The following CD46 variants were observed in gnomAD, a reference collection of about 807,000 sequenced individuals.
The protein encoded by CD46 is CD46 molecule, also known as membrane cofactor protein.
A neutral mutation model predicts 53.3 loss-of-function variants in CD46; 30 were observed. The ratio of observed to expected loss-of-function variants is 0.56; its 90% CI spans 0.42 to 0.76. The LOEUF is 0.76. Ranked by LOEUF, CD46 falls within the 30% of genes least tolerant of loss-of-function variation. CD46 has a pLI of 0.00. For synonymous variants in CD46, 142 were observed against 152.0 expected (o/e 0.93, Z 0.48); for missense variants, 409 against 463.0 (o/e 0.88, Z 1.07).
intron 1 of CD46, among the ~76,000 whole-genome samples, chr1:207,754,737 T>G (rs923508743): frequency 2.6e-5 from 4 of 152,138 alleles, no homozygotes; most frequent in African/African-American, 9.7e-5. Flanking sequence ...CTCCCCTATT[T>G]GTTGACTCTG....
chr1:207,774,161 C>A (rs1657832488), intron 8 of CD46, among the ~76,000 whole-genome samples: 2 of 151,742 alleles, frequency 1.3e-5, no homozygotes, highest in South Asian at 4.2e-4. Context: ...CTCTTTTGAT[C>A]TTTGTTGGTT....
At chr1:207,774,658 A>G (rs1198441784) in intron 8 of CD46, among the ~76,000 whole-genome samples, 1 of 152,128 alleles carries the variant, frequency 6.6e-6, no homozygotes, top group African/African-American at 2.4e-5. Context: ...GTTTGGCTGG[A>G]TATGAGATTC....
chr1:207,754,279 C>A (rs41316827), intron 1 of CD46, among the ~76,000 whole-genome samples: 4,759 of 152,202 alleles, frequency 0.031, 238 homozygotes, highest in East Asian at 0.24. Context: ...TCCCTCAGCC[C>A]AGGAACATTC....
chr1:207,782,778 G>A (rs1303343730), intron 8 of CD46, among the ~76,000 whole-genome samples: 1 of 148,496 alleles, frequency 6.7e-6, no homozygotes, highest in Non-Finnish European at 1.5e-5. Context: ...CTCCCAAGTA[G>A]CTGGGATTAC....
At position 207,767,788 on chromosome 1, in the gene CD46, C is replaced by T; in HGVS notation, c.866C>T (p.Ser289Phe). The change falls in exon 7 of 13, where the codon TCT becomes TTT. Residue 289 changes from serine (S) to phenylalanine (F), a missense_variant. Transcript: ENST00000367042. ...TTATTTTGTTTTCCAGTGTCGACTTCTTCCACTACAAAATCTCCAGCGTCC... is the reference window on the plus strand; with the variant it reads ...TTATTTTGTTTTCCAGTGTCGACTTTTTCCACTACAAAATCTCCAGCGTCC... ...PVPKCLKVST[S>F]STTKSPASSA... is the part of the protein sequence containing the mutation. The T allele has an allele frequency of 3.1e-6, 5 of 1,613,112 alleles. No homozygotes were observed. The highest frequency in any genetic ancestry group is 4.2e-6 in the Non-Finnish European group (5 of 1,179,114).
intron 5 of CD46, among the ~76,000 whole-genome samples, chr1:207,762,189 A>C (rs1656291405): frequency 6.6e-6 from 1 of 152,264 alleles, no homozygotes; most frequent in South Asian, 2.1e-4. Context: ...AGTAGTCAGC[A>C]GGGAGATTAG....
rs66758503 is a variant in CD46 at position 207,779,913 on chromosome 1, CTT to C, written c.944-3361_944-3360del. On this transcript the variant is annotated intron_variant, in intron 8 of 12. Coordinates refer to ENST00000367042, the MANE Select transcript of CD46 (RefSeq NM_172351.3). Reference sequence around the variant, plus strand: ...TTCTATTCTTGTAGCAAAAGCAAGTCTTTTTTTTTTTTTTTTTTTACTGTAGT... The same window carrying C: ...TTCTATTCTTGTAGCAAAAGCAAGTCTTTTTTTTTTTTTTTTTACTGTAGT... Among the ~76,000 whole-genome samples, 85 of 62,382 alleles carry C rather than the reference CTT, an allele frequency of 1.4e-3. 4 individuals are homozygous for C. Among genetic ancestry groups the C allele is most frequent in the Non-Finnish European group, 1.6e-3 (55 of 33,492 alleles). 40.9% of individuals were successfully genotyped at this position (62,382 alleles called of 152,430 possible). A position where few individuals can be genotyped will look rare whatever the true frequency, so the allele number is the denominator to read the frequency against.
chr1:207,757,416 C>G (rs1309017176), intron 2 of CD46, 124 bp from the exon 3 acceptor site: 5 of 791,546 alleles, frequency 6.3e-6, no homozygotes, highest in African/African-American at 5.2e-5. Context: ...TAAGTTTGCC[C>G]TTATAATAAG....
At chr1:207,767,517 A>G (rs1656995962) in intron 6 of CD46, 2 of 1,082,140 alleles carry the variant, frequency 1.8e-6, no homozygotes, top group Admixed American at 3.4e-5. Flanking sequence ...ATTTTTATCT[A>G]AGTAAGTCAA....
In CD46 at chr1:207,757,060, T is replaced by C; in HGVS notation, c.144T>C (p.Gly48=). The change falls in exon 2 of 13, where the codon GGT becomes GGC. Residue 48 remains glycine, a synonymous_variant. Coordinates refer to ENST00000367042, the MANE Select transcript of CD46 (RefSeq NM_172351.3). ...CATTTGAAGCTATGGAGCTCATTGG[T>C]AAACCAAAACCCTACTATGAGATTG... The part of the protein sequence containing the change: ...PPTFEAMELI[G]KPKPYYEIGE... 6.2e-7 allele frequency: 1 copy of C among 1,614,122 alleles called. No individual in the cohort carries two copies. Among genetic ancestry groups the C allele is most frequent in the Non-Finnish European group, 8.5e-7 (1 of 1,179,996 alleles).
intron 5 of CD46, 60 bp from the exon 6 acceptor site, chr1:207,766,953 G>A (rs1258354805): frequency 7.4e-7 from 1 of 1,349,744 alleles, no homozygotes; most frequent in African/African-American, 1.4e-5. Flanking sequence ...TTACTACTTT[G>A]TACTACTTTT....
chr1:207,790,160 T>C, intron 11 of CD46, 93 bp from the exon 12 acceptor site: 1 of 778,568 alleles, frequency 1.3e-6, no homozygotes, highest in Non-Finnish European at 2.4e-6. Context: ...TGCTACTCTC[T>C]TACACTGGAT....
At chr1:207,782,844 G>A (rs557509902) in intron 8 of CD46, among the ~76,000 whole-genome samples, 26 of 149,268 alleles carry the variant, frequency 1.7e-4, no homozygotes, top group African/African-American at 5.6e-4. Flanking sequence ...TAGTAGAGAC[G>A]GGGTGTCACC....
At chr1:207,767,404 C>T in intron 6 of CD46, 2 of 704,112 alleles carry the variant, frequency 2.8e-6, no homozygotes, top group South Asian at 3.5e-5. Flanking sequence ...TTGTGCTTTT[C>T]CAGGGTTCTT....
Position 207,790,356 on chromosome 1 carries a change from T to A in CD46, c.*41+11T>A. The A allele has an allele frequency of 7.4e-7, 1 of 1,355,648 alleles. No homozygotes were observed. The highest frequency in any genetic ancestry group is 1.1e-6 in the Non-Finnish European group (1 of 946,482). 84.0% of individuals were successfully genotyped at this position (1,355,648 alleles called of 1,614,324 possible). A position where few individuals can be genotyped will look rare whatever the true frequency, so the allele number is the denominator to read the frequency against. On this transcript the variant is annotated intron_variant, in intron 12 of 12. Coordinates refer to ENST00000367042, the MANE Select transcript of CD46 (RefSeq NM_172351.3). ...TTTTATCATTAAAAGGTATCTGTTTTCTGTTGTTTATTTTCAGATGTCCTT... is the reference window on the plus strand; with the variant it reads ...TTTTATCATTAAAAGGTATCTGTTTACTGTTGTTTATTTTCAGATGTCCTT...
chr1:207,752,196 C>T lies in CD46; in HGVS notation c.-17C>T. On this transcript the variant is annotated 5_prime_UTR_variant, in exon 1 of 13. Coordinates refer to ENST00000367042, the MANE Select transcript of CD46 (RefSeq NM_172351.3). This position sits in a 1 kb window ranked among gnomAD's most constrained non-coding sequence, Gnocchi z 4.1. ...CTGCTTTCCTCCGGAGAAATAACAG[C>T]GTCTTCCGCGCCGCGCATGGAGCCT... 1 of 1,610,760 alleles carries T rather than the reference C, an allele frequency of 6.2e-7. No individual in the cohort carries two copies. The highest frequency in any genetic ancestry group is 1.7e-5 in the Admixed American group (1 of 60,034).
rs933239255 is a variant in CD46, at chr1:207,787,476, A to AT, written c.1082+1803dup. ...GATTCCAAAATTAATTTGTCCAGTG[A>AT]TTTTTTTTTAAAGCCCATATTTTAC... On this transcript the variant is annotated intron_variant, in intron 11 of 12. Transcript: ENST00000367042. 2.6e-4 allele frequency among the ~76,000 whole-genome samples: 40 copies of AT among 151,758 alleles called. No homozygotes were observed. The East Asian group carries it at 3.7e-3, about 14-fold the overall frequency.
At chr1:207,787,040 C>T (rs4844618) in intron 11 of CD46, among the ~76,000 whole-genome samples, 3 of 152,108 alleles carry the variant, frequency 2.0e-5, no homozygotes, top group Admixed American at 1.3e-4. Flanking sequence ...TAATCAAACT[C>T]TCTCTAGCTA....
At position 207,757,590 on chromosome 1, in the gene CD46, G is replaced by A. The variant is rs1449343455; in HGVS notation, c.337G>A (p.Ala113Thr). 1.2e-6 allele frequency: 2 copies of A among 1,611,756 alleles called. No individual in the cohort carries two copies. Among genetic ancestry groups the A allele is most frequent in the South Asian group, 1.1e-5 (1 of 90,700 alleles). Residue 113 changes from alanine to threonine, a missense_variant, in exon 3 of 13, where the codon GCA (alanine) becomes ACA (threonine). Transcript: ENST00000367042. ...RDPLNGQAVP[A>T]NGTYEFGYQM... ...TCCTTTAAATGGCCAAGCAGTCCCTGCAAATGGGACTTACGAGTTTGGTTA... is the reference window on the plus strand; with the variant it reads ...TCCTTTAAATGGCCAAGCAGTCCCTACAAATGGGACTTACGAGTTTGGTTA...
Sources: allele counts gnomAD v4.1 joint callset (sites outside exome capture counted in the v4.1 genomes callset), GRCh38; gene constraint gnomAD v4.1.1; non-coding constraint Gnocchi (gnomAD v3.1); transcripts MANE v1.5; gene names NCBI Gene and HGNC (gene_info 2026-07-23, HGNC 2026-07-21).